The following ZSCAN30 variants were observed in gnomAD, a reference collection of about 807,000 sequenced individuals.
ZSCAN30 encodes zinc finger and SCAN domain containing 30.
Under a neutral mutation model 44.3 loss-of-function variants are expected in ZSCAN30, and 37 were observed. The observed-to-expected ratio is 0.84, with a 90% CI of 0.64 to 1.10. The LOEUF (loss-of-function observed/expected upper bound fraction) is 1.10. Ranked by LOEUF, ZSCAN30 falls within the 50% of genes least tolerant of loss-of-function variation. The pLI is 0.00. For missense variants in ZSCAN30, 549 were observed against 582.6 expected (o/e 0.94, Z 0.59); for synonymous variants, 181 against 204.6 (o/e 0.88, Z 0.98).
At chr18:35,260,580 T>C (rs2143690106) in intron 3 of ZSCAN30, 1 of 152,364 alleles carries the variant, frequency 6.6e-6, no homozygotes, top group South Asian at 2.1e-4. Flanking sequence ...TGTTTCTCAT[T>C]GTGGTCTTGA....
chr18:35,258,030 C>T, intron 3 of ZSCAN30: 1 of 779,998 alleles, frequency 1.3e-6, no homozygotes, highest in South Asian at 1.3e-5. Flanking sequence ...GAAGCACCTA[C>T]AAGAAACTTA....
At chr18:35,279,694 A>C (rs2044421967) in intron 1 of ZSCAN30, among the ~76,000 whole-genome samples, 1 of 152,198 alleles carries the variant, frequency 6.6e-6, no homozygotes, top group African/African-American at 2.4e-5. Context: ...ATACGGCAGA[A>C]AGCCTTGGAG....
At chr18:35,285,372 T>C (rs1033809455) in intron 1 of ZSCAN30, among the ~76,000 whole-genome samples, 1 of 152,138 alleles carries the variant, frequency 6.6e-6, no homozygotes, top group Non-Finnish European at 1.5e-5. Flanking sequence ...AAGTATATAG[T>C]AAACTTCAGT....
chr18:35,288,826 G>A (rs1488220918), intron 1 of ZSCAN30, among the ~76,000 whole-genome samples: 1 of 152,156 alleles, frequency 6.6e-6, no homozygotes, highest in African/African-American at 2.4e-5. Context: ...GAAACTTTTG[G>A]GGTTTAGATG....
chr18:35,253,938 C>T lies in ZSCAN30; in HGVS notation c.997G>A (p.Glu333Lys), dbSNP rs746342504. 5 of 1,614,090 alleles carry T rather than the reference C, an allele frequency of 3.1e-6. No homozygotes were observed. Among genetic ancestry groups the T allele is most frequent in the Non-Finnish European group, 4.2e-6 (5 of 1,180,032 alleles). ...CTCAAACTGAAGGCTTTGCCACATT[C>T]TTTACATGCATAAGGTCTCTCTCCA... ...HTGERPYACK[E>K]CGKAFSLSSD... The change falls in exon 4 of 4, where the codon GAA becomes AAA. Residue 333 changes from glutamate to lysine, a missense_variant. Coordinates refer to ENST00000333206, the MANE Select transcript of ZSCAN30 (RefSeq NM_001112734.4).
In ZSCAN30 at chr18:35,253,959, C is replaced by G; in HGVS notation, c.976G>C (p.Glu326Gln). ...CATTCTTTACATGCATAAGGTCTCT[C>G]TCCAGTATGAATTCTCTGATGTCTA... is the stretch of plus-strand genomic sequence containing the variant. ...LIRHQRIHTG[E>Q]RPYACKECGK... The change falls in exon 4 of 4, where the codon GAG (glutamate) becomes CAG (glutamine). Residue 326 changes from glutamate to glutamine, a missense_variant. Physicochemically the swap from Glu to Gln is conservative, Grantham distance 29 (BLOSUM62 2). Transcript: ENST00000333206. 1 of 1,614,214 alleles carries G rather than the reference C, an allele frequency of 6.2e-7. No individual in the cohort carries two copies. The highest frequency in any genetic ancestry group is 8.5e-7 in the Non-Finnish European group (1 of 1,180,034).
At chr18:35,270,803 T>C (rs561589389) in intron 1 of ZSCAN30, among the ~76,000 whole-genome samples, 1 of 152,356 alleles carries the variant, frequency 6.6e-6, no homozygotes, top group South Asian at 2.1e-4. Context: ...ACCCTCGCAG[T>C]GAGTGTTAAC....
Position 35,266,417 on chromosome 18 carries a change from C to T in ZSCAN30, c.-103-1962G>A, listed in dbSNP as rs189760370. Among the ~76,000 whole-genome samples the T allele has an allele frequency of 1.7e-4, 26 of 151,978 alleles. No homozygotes were observed. In the East Asian group the frequency reaches 2.3e-3, roughly 14 times the overall value. On this transcript the variant is annotated intron_variant, in intron 1 of 3. Coordinates refer to ENST00000333206, the MANE Select transcript of ZSCAN30 (RefSeq NM_001112734.4). ...CTATGGGAGGCAAAAGACAAAAAGA[C>T]GGGAGATTTGACAGGACTTGACACA...
At chr18:35,275,752 C>G (rs2044357012) in intron 1 of ZSCAN30, among the ~76,000 whole-genome samples, 1 of 152,170 alleles carries the variant, frequency 6.6e-6, no homozygotes, top group African/African-American at 2.4e-5. Context: ...AGCAAATAAA[C>G]CATCCCTAAA....
chr18:35,266,266 T>C (rs2044146681), intron 1 of ZSCAN30, among the ~76,000 whole-genome samples: 1 of 151,944 alleles, frequency 6.6e-6, no homozygotes, highest in Non-Finnish European at 1.5e-5. Context: ...ACTACAGAGT[T>C]TGCATTGATC....
rs1423688052 is a variant in ZSCAN30, at chr18:35,251,624, C to G, written c.*1826G>C. The G allele has an allele frequency of 6.6e-6, 1 of 152,118 alleles. No homozygotes were observed. The highest frequency in any genetic ancestry group is 1.5e-5 in the Non-Finnish European group (1 of 68,036). 9.4% of individuals were successfully genotyped at this position (152,118 alleles called of 1,614,324 possible). A position where few individuals can be genotyped will look rare whatever the true frequency, so the allele number is the denominator to read the frequency against. The stretch of plus-strand genomic sequence containing the variant: ...CATGGGAGCAGATTTCCCCCTTGTT[C>G]TCATGATAGTGAATTCTCATGAGAT... On this transcript the variant is annotated 3_prime_UTR_variant, in exon 4 of 4. Transcript: ENST00000333206.
intron 1 of ZSCAN30, among the ~76,000 whole-genome samples, chr18:35,275,313 T>G (rs2044350428): frequency 1.3e-5 from 2 of 152,236 alleles, no homozygotes; most frequent in Admixed American, 6.5e-5. Flanking sequence ...ATAAGAATGA[T>G]TAAGAATACA....
At chr18:35,278,464 C>T (rs2044402527) in intron 1 of ZSCAN30, among the ~76,000 whole-genome samples, 1 of 152,168 alleles carries the variant, frequency 6.6e-6, no homozygotes, top group African/African-American at 2.4e-5. Flanking sequence ...TAAGAGAATC[C>T]ATACAATTAG....
At chr18:35,271,864 C>T (rs993069363) in intron 1 of ZSCAN30, among the ~76,000 whole-genome samples, 11 of 152,324 alleles carry the variant, frequency 7.2e-5, no homozygotes, top group African/African-American at 2.2e-4. Flanking sequence ...TGGGACCCCG[C>T]GCCCCCTCCG....
chr18:35,284,702 G>A (rs1218662596), intron 1 of ZSCAN30: 1 of 154,972 alleles, frequency 6.5e-6, no homozygotes, highest in Non-Finnish European at 1.5e-5. Flanking sequence ...CAGGCCCCTA[G>A]AGTGCAGAGA....
chr18:35,253,782 A>T lies in ZSCAN30; in HGVS notation c.1153T>A (p.Tyr385Asn). The change falls in exon 4 of 4, where the codon TAT becomes AAT. Residue 385 changes from tyrosine to asparagine, a missense_variant. Transcript: ENST00000333206. The stretch of plus-strand genomic sequence containing the variant: ...GCCTTCCCACATTCTCCACATTCAT[A>T]AGGCTTCTCTCCAGTGTGGATTCTC... ...HRRIHTGEKP[Y>N]ECGECGKAFS... 3 of 1,614,160 alleles carry T rather than the reference A, an allele frequency of 1.9e-6. No individual in the cohort carries two copies. Among genetic ancestry groups the T allele is most frequent in the Non-Finnish European group, 2.5e-6 (3 of 1,180,012 alleles).
At position 35,253,817 on chromosome 18, in the gene ZSCAN30, A is replaced by T. The variant is rs2043684288; in HGVS notation, c.1118T>A (p.Ile373Asn). Residue 373 changes from isoleucine to asparagine, a missense_variant, in exon 4 of 4, where the codon ATC (isoleucine) becomes AAC (asparagine). Transcript: ENST00000333206. ...GKAFRGSSEL[I>N]RHRRIHTGEK... is the part of the protein sequence containing the mutation. ...TCCAGTGTGGATTCTCCGATGCCTG[A>T]TGAGCTCTGAACTGCCCCTGAAGGC... 1 of 1,614,070 alleles carries T rather than the reference A, an allele frequency of 6.2e-7. No homozygotes were observed. Among genetic ancestry groups the T allele is most frequent in the South Asian group, 1.1e-5 (1 of 91,092 alleles).
At chr18:35,284,568 G>A (rs2044518031) in intron 1 of ZSCAN30, 1 of 155,020 alleles carries the variant, frequency 6.5e-6, no homozygotes, top group African/African-American at 2.4e-5. Flanking sequence ...CAACTGGCTG[G>A]GCTGCAACAG....
chr18:35,259,847 G>T (rs1433561451), intron 3 of ZSCAN30: 1 of 152,588 alleles, frequency 6.6e-6, no homozygotes, highest in Non-Finnish European at 1.5e-5. Context: ...GGGACCTGAT[G>T]AGATGAATTT....
Sources: gnomAD v4.1 joint callset for allele counts (sites outside exome capture counted in the v4.1 genomes callset) on GRCh38, gnomAD v4.1.1 for gene constraint, MANE v1.5 for transcripts, NCBI Gene and HGNC (gene_info 2026-07-23, HGNC 2026-07-21) for gene names.